SRFBP1: variants seen among roughly 807,000 people sequenced by gnomAD.
SRFBP1 encodes the protein serum response factor-binding protein 1.
In SRFBP1, 47 loss-of-function variants were observed where a neutral mutation model predicts 45.5. That is an observed-to-expected ratio of 1.03 (90% CI 0.82 to 1.32). SRFBP1 has a LOEUF of 1.32. SRFBP1 is among the 40% of genes most tolerant of loss of function. The probability of loss-of-function intolerance (pLI) is 0.00; values close to 1 mark genes in which losing one functional copy is unlikely to be tolerated. For missense variants in SRFBP1, 621 were observed against 484.6 expected (o/e 1.28, Z -2.64); for synonymous variants, 203 against 166.3 (o/e 1.22, Z -1.70).
At chr5:122,009,550 C>T (rs943893312) in intron 4 of SRFBP1, among the ~76,000 whole-genome samples, 8 of 152,130 alleles carry the variant, frequency 5.3e-5, no homozygotes, top group African/African-American at 1.9e-4. Flanking sequence ...TTTTAAAGCT[C>T]ACAGGAAGTA....
intron 6 of SRFBP1, among the ~76,000 whole-genome samples, chr5:122,021,990 C>T (rs142688042): frequency 6.8e-4 from 103 of 151,802 alleles, no homozygotes; most frequent in African/African-American, 2.2e-3. Context: ...CACCGTGCCC[C>T]GCCAAAATGT....
chr5:121,969,122 A>T (rs1752136739), intron 1 of SRFBP1, among the ~76,000 whole-genome samples: 1 of 152,182 alleles, frequency 6.6e-6, no homozygotes, highest in Non-Finnish European at 1.5e-5. Context: ...TTGTCACCCC[A>T]GAAATAGAGC....
intron 4 of SRFBP1, among the ~76,000 whole-genome samples, chr5:122,014,001 A>T (rs1753145460): frequency 6.6e-6 from 1 of 152,136 alleles, no homozygotes; most frequent in Non-Finnish European, 1.5e-5. Flanking sequence ...TACAGTTAAT[A>T]TATTTCAAAA....
At chr5:121,976,339 G>GTT (rs1561577538) in intron 3 of SRFBP1, among the ~76,000 whole-genome samples, 1 of 151,488 alleles carries the variant, frequency 6.6e-6, no homozygotes. Flanking sequence ...GAATCCATCT[G>GTT]ATATAACTTT....
At chr5:121,981,069 C>T (rs899022662) in intron 3 of SRFBP1, among the ~76,000 whole-genome samples, 7 of 152,208 alleles carry the variant, frequency 4.6e-5, no homozygotes, top group Non-Finnish European at 8.8e-5. Context: ...CCATCAGAGT[C>T]TGTTTCCATT....
At chr5:122,068,932 C>A (rs568888196) in intron 2 of SRFBP1, among the ~76,000 whole-genome samples, 1 of 151,878 alleles carries the variant, frequency 6.6e-6, no homozygotes, top group African/African-American at 2.4e-5. Context: ...GGTGTTCTGG[C>A]GGTGGGGGTC....
chr5:122,078,818 G>T (rs564377902), downstream of SRFBP1, among the ~76,000 whole-genome samples: 80 of 152,330 alleles, frequency 5.3e-4, no homozygotes, highest in Admixed American at 1.2e-3. Flanking sequence ...GGTAATATGA[G>T]AAATGGGTTA....
chr5:122,054,126 G>T (rs542726722), intron 2 of SRFBP1, among the ~76,000 whole-genome samples: 1 of 152,156 alleles, frequency 6.6e-6, no homozygotes, highest in Non-Finnish European at 1.5e-5. Flanking sequence ...ATACTGATCT[G>T]CTCCAGGGCC....
intron 4 of SRFBP1, among the ~76,000 whole-genome samples, chr5:121,995,885 C>A (rs1270832932): frequency 6.6e-6 from 1 of 152,098 alleles, no homozygotes; most frequent in African/African-American, 2.4e-5. Context: ...CTACAAACAC[C>A]TCTACGCAAA....
downstream of SRFBP1, among the ~76,000 whole-genome samples, chr5:122,030,802 T>C (rs1753578488): frequency 6.6e-6 from 1 of 152,222 alleles, no homozygotes; most frequent in Non-Finnish European, 1.5e-5. Flanking sequence ...CTACTAAGTT[T>C]AATGAATCAG....
chr5:121,993,246 C>T (rs962116300), intron 3 of SRFBP1, among the ~76,000 whole-genome samples: 2 of 152,120 alleles, frequency 1.3e-5, no homozygotes, highest in African/African-American at 4.8e-5. Flanking sequence ...GCCTGGGTTG[C>T]TCAGTCCCTC....
intron 2 of SRFBP1, among the ~76,000 whole-genome samples, chr5:122,055,143 A>G (rs558166584): frequency 2.0e-5 from 3 of 152,292 alleles, no homozygotes; most frequent in Admixed American, 1.3e-4. Context: ...TACAAGACCA[A>G]GTTTCTGGCA....
chr5:122,048,902 C>A (rs544868634), intron 2 of SRFBP1, among the ~76,000 whole-genome samples: 1 of 152,210 alleles, frequency 6.6e-6, no homozygotes, highest in African/African-American at 2.4e-5. Context: ...TCCCCTTCAT[C>A]GTTTTTTATT....
At chr5:122,006,420 T>A (rs1030324082) in intron 4 of SRFBP1, among the ~76,000 whole-genome samples, 1 of 152,140 alleles carries the variant, frequency 6.6e-6, no homozygotes, top group Admixed American at 6.5e-5. Context: ...TCCCTGTACC[T>A]GGGTATTTAT....
intron 4 of SRFBP1, among the ~76,000 whole-genome samples, chr5:122,011,637 C>T (rs189123957): frequency 3.3e-4 from 51 of 152,248 alleles, no homozygotes; most frequent in Admixed American, 1.2e-3. Flanking sequence ...TTGTCTTAGC[C>T]TTTTAAATTA....
chr5:121,969,345 A>G (rs148578874), intron 1 of SRFBP1, among the ~76,000 whole-genome samples: 3 of 152,212 alleles, frequency 2.0e-5, no homozygotes, highest in Non-Finnish European at 2.9e-5. Flanking sequence ...GCTGTGATGC[A>G]TCTGTTCCCA....
chr5:121,964,882 A>G (rs1425450241), intron 1 of SRFBP1, among the ~76,000 whole-genome samples: 2 of 152,166 alleles, frequency 1.3e-5, no homozygotes, highest in African/African-American at 2.4e-5. Flanking sequence ...AATGATCGCC[A>G]TTCTAACTGG....
intron 4 of SRFBP1, among the ~76,000 whole-genome samples, chr5:121,996,502 T>C (rs1428731285): frequency 4.1e-5 from 1 of 24,680 alleles, no homozygotes; most frequent in Non-Finnish European, 7.8e-5. Flanking sequence ...TAGGTATTGA[T>C]GGGATGTATT....
chr5:121,967,242 G>A (rs1263368479), intron 1 of SRFBP1, among the ~76,000 whole-genome samples: 2 of 152,128 alleles, frequency 1.3e-5, no homozygotes, highest in African/African-American at 2.4e-5. Context: ...CAAGAACCAC[G>A]TTTGTATGCG....
Sources: allele counts gnomAD v4.1 joint callset (sites outside exome capture counted in the v4.1 genomes callset), GRCh38; gene constraint gnomAD v4.1.1; transcripts MANE v1.5; gene names NCBI Gene and HGNC (gene_info 2026-07-23, HGNC 2026-07-21).